Variants in MAP2K5 observed in about 807,000 individuals in gnomAD.
MAP2K5 encodes the protein mitogen-activated protein kinase kinase 5.
MAP2K5 carries 49 observed loss-of-function variants against 83.1 expected under a neutral mutation model. That is an observed-to-expected ratio of 0.59 (90% confidence interval 0.47 to 0.75). MAP2K5 has a LOEUF of 0.75. Ranked by LOEUF, MAP2K5 falls within the 30% of genes least tolerant of loss-of-function variation. The pLI is 0.00. For missense variants in MAP2K5, 457 were observed against 557.5 expected (o/e 0.82, Z 1.82); for synonymous variants, 202 against 191.8 (o/e 1.05, Z -0.44).
chr15:67,725,660 T>C (rs147466493), intron 16 of MAP2K5, among the ~76,000 whole-genome samples: 1 of 152,354 alleles, frequency 6.6e-6, no homozygotes, highest in African/African-American at 2.4e-5. Flanking sequence ...ATTAGCTTTT[T>C]TAGGTGTGAG....
chr15:67,797,118 C>T (rs1291593059), intron 21 of MAP2K5, among the ~76,000 whole-genome samples: 2 of 152,218 alleles, frequency 1.3e-5, no homozygotes, highest in Non-Finnish European at 2.9e-5. Context: ...CTTACCGCAG[C>T]CCCTTTTCCC....
chr15:67,697,763 A>ATTTT (rs2088303456), intron 15 of MAP2K5, among the ~76,000 whole-genome samples: 1 of 152,230 alleles, frequency 6.6e-6, no homozygotes, highest in Non-Finnish European at 1.5e-5. Context: ...TCAAATATGA[A>ATTTT]AAAGAAAATA....
rs937608554 is a variant in MAP2K5, at chr15:67,636,902, A to G, written c.585+5975A>G. On this transcript the variant is annotated intron_variant, in intron 9 of 21. Coordinates refer to ENST00000178640, the MANE Select transcript of MAP2K5 (RefSeq NM_145160.3). The surrounding 1 kb of genome is among the most constrained non-coding windows in gnomAD (Gnocchi z 4.7). ...GCTGGGAGAGGCAGACCCACCTGCA[A>G]TCTGGGTGGGCACCATCTAATCAGC... is the stretch of plus-strand genomic sequence containing the variant. 3.3e-5 allele frequency among the ~76,000 whole-genome samples: 5 copies of G among 152,344 alleles called. No homozygotes were observed. The highest frequency in any genetic ancestry group is 1.9e-4 in the East Asian group (1 of 5,188).
Position 67,783,029 on chromosome 15 carries a change from G to A in MAP2K5, c.1242+10277G>A, listed in dbSNP as rs1006050360. Among the ~76,000 whole-genome samples, 6 of 152,260 alleles carry A rather than the reference G, an allele frequency of 3.9e-5. No homozygotes were observed. Among genetic ancestry groups the A allele is most frequent in the African/African-American group, 9.6e-5 (4 of 41,468 alleles). The stretch of plus-strand genomic sequence containing the variant: ...CTGGCTGAATTATAACCCACTGCAC[G>A]TCTGGTGCAGATTTGTATTGCAGAA... On this transcript the variant is annotated intron_variant, in intron 21 of 21. Transcript: ENST00000178640. The surrounding 1 kb of genome is among the most constrained non-coding windows in gnomAD (Gnocchi z 5.1).
At position 67,562,369 on chromosome 15, in the gene MAP2K5, T is replaced by G. The variant is rs924707394; in HGVS notation, c.185-914T>G. Among the ~76,000 whole-genome samples, 3 of 152,228 alleles carry G rather than the reference T, an allele frequency of 2.0e-5. No individual in the cohort carries two copies. The highest frequency in any genetic ancestry group is 4.4e-5 in the Non-Finnish European group (3 of 68,038). ...ATTTCATTTTGGGTTAAAAATGAGA[T>G]TTAATATTCTCACATAGTCTATCTT... On this transcript the variant is annotated intron_variant, in intron 2 of 21. Coordinates refer to ENST00000178640, the MANE Select transcript of MAP2K5 (RefSeq NM_145160.3). This position sits in a 1 kb window ranked among gnomAD's most constrained non-coding sequence, Gnocchi z 4.1.
At chr15:67,568,873 G>A (rs1449141228) in intron 3 of MAP2K5, among the ~76,000 whole-genome samples, 1 of 151,750 alleles carries the variant, frequency 6.6e-6, no homozygotes, top group Non-Finnish European at 1.5e-5. Flanking sequence ...GGGCGTGGTG[G>A]CATGCGCCTG....
At chr15:67,604,421 C>T (rs1411192899) in intron 8 of MAP2K5, among the ~76,000 whole-genome samples, 1 of 152,230 alleles carries the variant, frequency 6.6e-6, no homozygotes, top group African/African-American at 2.4e-5. Flanking sequence ...CTATTTCCCT[C>T]TGAGAGATTC....
intron 19 of MAP2K5, among the ~76,000 whole-genome samples, chr15:67,763,221 G>A (rs2089982295): frequency 2.0e-5 from 3 of 152,056 alleles, no homozygotes; most frequent in Admixed American, 2.0e-4. Flanking sequence ...AAGTAGGTCA[G>A]TTCTATCTGC....
chr15:67,656,743 C>CACCT (rs1042148806), intron 11 of MAP2K5, among the ~76,000 whole-genome samples: 1 of 152,114 alleles, frequency 6.6e-6, no homozygotes, highest in African/African-American at 2.4e-5. Context: ...CTGTTTTTCC[C>CACCT]ACCTGTCAAG....
rs939186384 is a variant in MAP2K5, at chr15:67,561,224, T to C, written c.185-2059T>C. ...AAAGCAAAAATGTAAAGTGCTTTCA[T>C]GTGTGGTGATATGTAACATTACATC... is the stretch of plus-strand genomic sequence containing the variant. On this transcript the variant is annotated intron_variant, in intron 2 of 21. Transcript: ENST00000178640. This position sits in a 1 kb window ranked among gnomAD's most constrained non-coding sequence, Gnocchi z 4.2. 6.6e-6 allele frequency among the ~76,000 whole-genome samples: 1 copy of C among 152,220 alleles called. No individual in the cohort carries two copies. The highest frequency in any genetic ancestry group is 1.5e-5 in the Non-Finnish European group (1 of 68,038).
intron 11 of MAP2K5, among the ~76,000 whole-genome samples, chr15:67,657,060 A>G (rs2087101942): frequency 6.6e-6 from 1 of 152,194 alleles, no homozygotes; most frequent in Admixed American, 6.5e-5. Flanking sequence ...CTGTGTAAAG[A>G]TTTAGCCATA....
chr15:67,695,960 A>G (rs1194667197), intron 15 of MAP2K5, among the ~76,000 whole-genome samples: 3 of 151,976 alleles, frequency 2.0e-5, no homozygotes, highest in African/African-American at 7.3e-5. Flanking sequence ...ATAGCTTGAG[A>G]GTGAGTGCTT....
chr15:67,679,392 G>C (rs1463390623), intron 13 of MAP2K5, among the ~76,000 whole-genome samples: 5 of 152,058 alleles, frequency 3.3e-5, no homozygotes, highest in African/African-American at 1.2e-4. Flanking sequence ...ATTCAGTGGG[G>C]GGAAAAAATC....
At position 67,543,222 on chromosome 15, in the gene MAP2K5, G is replaced by C; in HGVS notation, c.-114G>C. ...CCTCCCCCTCATCCTCCATTCCCTT[G>C]TTTTCACCCTCTGTCCTCTGCCCGT... On this transcript the variant is annotated 5_prime_UTR_variant, in exon 1 of 22. Transcript: ENST00000178640. This position sits in a 1 kb window ranked among gnomAD's most constrained non-coding sequence, Gnocchi z 4.3. 1 of 1,082,044 alleles carries C rather than the reference G, an allele frequency of 9.2e-7. No individual in the cohort carries two copies. 67.0% of individuals were successfully genotyped at this position (1,082,044 alleles called of 1,614,324 possible).
chr15:67,552,245 A>G lies in MAP2K5; in HGVS notation c.184+2163A>G, dbSNP rs554341625. On this transcript the variant is annotated intron_variant, in intron 2 of 21. Coordinates refer to ENST00000178640, the MANE Select transcript of MAP2K5 (RefSeq NM_145160.3). This position sits in a 1 kb window ranked among gnomAD's most constrained non-coding sequence, Gnocchi z 4.2. Reference sequence around the variant, plus strand: ...GAACTCTGTACTATAGAAAAATAGTACATCTGTCTGAAATACATACTAGTG... The same window carrying G: ...GAACTCTGTACTATAGAAAAATAGTGCATCTGTCTGAAATACATACTAGTG... Among the ~76,000 whole-genome samples, 4 of 152,342 alleles carry G rather than the reference A, an allele frequency of 2.6e-5. No individual in the cohort carries two copies. Among genetic ancestry groups the G allele is most frequent in the Non-Finnish European group, 5.9e-5 (4 of 68,030 alleles).
In MAP2K5 at chr15:67,764,671, G is replaced by A. The variant is rs1045193917; in HGVS notation, c.1135-4931G>A. On this transcript the variant is annotated intron_variant, in intron 19 of 21. Transcript: ENST00000178640. This position sits in a 1 kb window ranked among gnomAD's most constrained non-coding sequence, Gnocchi z 4.9. ...CACAAAAGCTGTTGAATGAATGAATGAATAATGAATGATTGTATCATTTTT... is the reference window on the plus strand; with the variant it reads ...CACAAAAGCTGTTGAATGAATGAATAAATAATGAATGATTGTATCATTTTT... Among the ~76,000 whole-genome samples the A allele has an allele frequency of 7.2e-5, 11 of 152,160 alleles. No homozygotes were observed. The highest frequency in any genetic ancestry group is 2.7e-4 in the African/African-American group (11 of 41,420).
chr15:67,800,085 A>G (rs957358899), intron 21 of MAP2K5, among the ~76,000 whole-genome samples: 1 of 152,188 alleles, frequency 6.6e-6, no homozygotes, highest in African/African-American at 2.4e-5. Flanking sequence ...AGGGATAGTT[A>G]TGATTTATTA....
intron 20 of MAP2K5, 44 bp from the exon 21 acceptor site, chr15:67,772,663 A>G (rs768190632): frequency 3.0e-6 from 4 of 1,345,590 alleles, no homozygotes; most frequent in African/African-American, 1.5e-5. Flanking sequence ...AAAAATATAC[A>G]AATGACACAG....
At chr15:67,800,533 A>G (rs997038477) in intron 21 of MAP2K5, among the ~76,000 whole-genome samples, 5 of 152,176 alleles carry the variant, frequency 3.3e-5, no homozygotes, top group African/African-American at 1.2e-4. Flanking sequence ...CATCAAACCA[A>G]TGTAGATGCT....
Sources: allele counts gnomAD v4.1 joint callset (sites outside exome capture counted in the v4.1 genomes callset), GRCh38; gene constraint gnomAD v4.1.1; non-coding constraint Gnocchi (gnomAD v3.1); transcripts MANE v1.5; gene names NCBI Gene and HGNC (gene_info 2026-07-23, HGNC 2026-07-21).